The following AKT3 variants were observed in gnomAD, a reference collection of about 807,000 sequenced individuals.
The protein encoded by AKT3 is AKT serine/threonine kinase 3, also known as RAC-gamma serine/threonine-protein kinase.
In AKT3, 15 loss-of-function variants were observed where a neutral mutation model predicts 65.3. The ratio of observed to expected loss-of-function variants is 0.23; its 90% CI spans 0.15 to 0.35. The LOEUF (loss-of-function observed/expected upper bound fraction) is 0.35, where lower values mean the gene tolerates loss of function less well. AKT3 is among the 10% of genes least tolerant of loss of function. AKT3 has a pLI of 1.00. For synonymous variants in AKT3, 206 were observed against 183.8 expected (o/e 1.12, Z -0.98); for missense variants, 243 against 576.5 (o/e 0.42, Z 5.92).
intron 4 of AKT3, among the ~76,000 whole-genome samples, chr1:243,656,242 T>C (rs560784577): frequency 6.6e-6 from 1 of 152,278 alleles, no homozygotes; most frequent in South Asian, 2.1e-4. Context: ...TGGAGACCCC[T>C]ATGAAACAAG....
At chr1:243,533,713 G>A (rs551834649) in intron 12 of AKT3, among the ~76,000 whole-genome samples, 3 of 152,294 alleles carry the variant, frequency 2.0e-5, no homozygotes, top group African/African-American at 4.8e-5. Flanking sequence ...TAAGAAGGCC[G>A]GGCGCGGTGG....
rs951572350 is a variant in AKT3 at position 243,572,489 on chromosome 1, G to T, written c.819+437C>A. ...AGTGCTTTCATAAATAAAACACGAG[G>T]CACATTAATAAATGGTTATTATATT... On this transcript the variant is annotated intron_variant, in intron 9 of 13. Transcript: ENST00000673466. Among the ~76,000 whole-genome samples, 3 of 152,032 alleles carry T rather than the reference G, an allele frequency of 2.0e-5. No homozygotes were observed. In the South Asian group the frequency reaches 6.2e-4, roughly 32 times the overall value.
intron 2 of AKT3, among the ~76,000 whole-genome samples, chr1:243,744,725 C>G (rs1489170231): frequency 2.0e-4 from 26 of 130,146 alleles, no homozygotes; most frequent in African/African-American, 3.9e-4. Context: ...GGTGACAGAG[C>G]GAGACTCCGT....
At chr1:243,770,791 G>C (rs1333091635) in intron 2 of AKT3, among the ~76,000 whole-genome samples, 3 of 150,842 alleles carry the variant, frequency 2.0e-5, no homozygotes, top group African/African-American at 4.9e-5. Context: ...CAGGGACCTA[G>C]TTCCATTACT....
At chr1:243,682,228 G>A (rs1406634716) in intron 3 of AKT3, among the ~76,000 whole-genome samples, 2 of 151,900 alleles carry the variant, frequency 1.3e-5, no homozygotes, top group African/African-American at 2.4e-5. Context: ...CTTATCACAC[G>A]CAGGCTGCAG....
intron 2 of AKT3, among the ~76,000 whole-genome samples, chr1:243,709,844 T>G (rs1422571484): frequency 6.6e-6 from 1 of 152,152 alleles, no homozygotes; most frequent in African/African-American, 2.4e-5. Context: ...TTTGATGCTG[T>G]GTTCCAGTCT....
chr1:243,527,753 C>A (rs939245556), intron 12 of AKT3, among the ~76,000 whole-genome samples: 3 of 151,430 alleles, frequency 2.0e-5, no homozygotes, highest in Admixed American at 2.0e-4. Context: ...GGGACTTATA[C>A]CTGTAGGCCC....
rs1274386247 is a variant in AKT3 at position 243,501,665 on chromosome 1, TTAATACCAGC to T, written c.*3574_*3583del. 1 of 232,988 alleles carries T rather than the reference TTAATACCAGC, an allele frequency of 4.3e-6. No individual in the cohort carries two copies. The highest frequency in any genetic ancestry group is 8.5e-6 in the Non-Finnish European group (1 of 117,968). 14.4% of individuals were successfully genotyped at this position (232,988 alleles called of 1,614,324 possible). A position where few individuals can be genotyped will look rare whatever the true frequency, so the allele number is the denominator to read the frequency against. ...CCTGTCACATTTTATACAAGGTAGG[TTAATACCAGC>T]TGGGGCTATTAAAAATCATGTTTTC... On this transcript the variant is annotated 3_prime_UTR_variant, in exon 14 of 14. Transcript: ENST00000673466.
intron 1 of AKT3, among the ~76,000 whole-genome samples, 185 bp downstream of exon 1, chr1:243,849,855 A>C (rs1458697001): frequency 6.6e-6 from 1 of 151,174 alleles, no homozygotes; most frequent in African/African-American, 2.4e-5. Context: ...CCACACCCGA[A>C]GCCTCCGGTG....
intron 10 of AKT3, among the ~76,000 whole-genome samples, chr1:243,557,382 G>A (rs1280660805): frequency 2.6e-5 from 4 of 152,000 alleles, no homozygotes; most frequent in Admixed American, 6.6e-5. Flanking sequence ...GAATCACACC[G>A]AAGTACTGAA....
chr1:243,729,246 T>C (rs746627436), intron 2 of AKT3, among the ~76,000 whole-genome samples: 2 of 152,110 alleles, frequency 1.3e-5, no homozygotes, highest in Admixed American at 1.3e-4. Context: ...GGAAGCAATA[T>C]GTCAAGAGGG....
In AKT3 at chr1:243,843,265, C is replaced by G; in HGVS notation, c.-95G>C. Reference sequence around the variant, plus strand: ...CTCTGCTGCTGCTGCCCTTCCCACTCTCTAGTGATGACTCAGCCTGGAAGG... The same window carrying G: ...CTCTGCTGCTGCTGCCCTTCCCACTGTCTAGTGATGACTCAGCCTGGAAGG... On this transcript the variant is annotated 5_prime_UTR_variant, in exon 2 of 14. Coordinates refer to ENST00000673466, the MANE Select transcript of AKT3 (RefSeq NM_005465.7). The G allele has an allele frequency of 6.7e-7, 1 of 1,494,768 alleles. No individual in the cohort carries two copies. The highest frequency in any genetic ancestry group is 9.0e-7 in the Non-Finnish European group (1 of 1,116,102). 92.6% of individuals were successfully genotyped at this position (1,494,768 alleles called of 1,614,324 possible).
At chr1:243,783,910 T>C (rs1263339164) in intron 2 of AKT3, among the ~76,000 whole-genome samples, 1 of 152,164 alleles carries the variant, frequency 6.6e-6, no homozygotes, top group Admixed American at 6.5e-5. Flanking sequence ...TTCCAGCTTT[T>C]TAGTAATTTT....
intron 2 of AKT3, among the ~76,000 whole-genome samples, chr1:243,737,983 A>T (rs192104254): frequency 6.6e-6 from 1 of 152,310 alleles, no homozygotes; most frequent in Non-Finnish European, 1.5e-5. Context: ...GATAACTAAT[A>T]TACTCAAATT....
chr1:243,750,406 T>TACAC (rs1486978250), intron 2 of AKT3, among the ~76,000 whole-genome samples: 2 of 69,292 alleles, frequency 2.9e-5, no homozygotes, highest in East Asian at 7.7e-4. Flanking sequence ...TGCATGCACG[T>TACAC]ATACACACAC....
chr1:243,819,929 T>C (rs894362739), intron 2 of AKT3, among the ~76,000 whole-genome samples: 2 of 151,074 alleles, frequency 1.3e-5, no homozygotes, highest in African/African-American at 4.9e-5. Flanking sequence ...GTTTTTTTGT[T>C]TTGTTTTGAG....
intron 3 of AKT3, among the ~76,000 whole-genome samples, chr1:243,688,475 A>G (rs1480061081): frequency 6.6e-6 from 1 of 152,204 alleles, no homozygotes; most frequent in Non-Finnish European, 1.5e-5. Flanking sequence ...TTTGCAAAGG[A>G]ACTTTTTTTG....
At chr1:243,727,188 T>A (rs918969360) in intron 2 of AKT3, among the ~76,000 whole-genome samples, 1 of 152,172 alleles carries the variant, frequency 6.6e-6, no homozygotes, top group Non-Finnish European at 1.5e-5. Flanking sequence ...CAGCTCAACA[T>A]GGCATCTGTT....
chr1:243,574,026 G>C (rs1018298141), intron 8 of AKT3, among the ~76,000 whole-genome samples: 12 of 152,074 alleles, frequency 7.9e-5, no homozygotes, highest in African/African-American at 2.7e-4. Context: ...AGGTATCATG[G>C]TTATTAATAG....
Sources: gnomAD v4.1 joint callset for allele counts (sites outside exome capture counted in the v4.1 genomes callset) on GRCh38, gnomAD v4.1.1 for gene constraint, MANE v1.5 for transcripts, NCBI Gene and HGNC (gene_info 2026-07-23, HGNC 2026-07-21) for gene names.